The following ASIC2 variants were observed in gnomAD, a reference collection of about 807,000 sequenced individuals.
The protein encoded by ASIC2 is acid-sensing ion channel 2.
A neutral mutation model predicts 57.3 loss-of-function variants in ASIC2; 25 were observed. That is an observed-to-expected ratio of 0.44 (90% CI 0.32 to 0.61). ASIC2 has a LOEUF of 0.61. ASIC2 is among the 20% of genes least tolerant of loss of function. The probability of loss-of-function intolerance (pLI) is 0.06; values close to 1 mark genes in which losing one functional copy is unlikely to be tolerated. For missense variants in ASIC2, 641 were observed against 738.1 expected (o/e 0.87, Z 1.52); for synonymous variants, 319 against 307.5 (o/e 1.04, Z -0.39).
intron 1 of ASIC2, among the ~76,000 whole-genome samples, chr17:34,104,922 G>T (rs1367357068): frequency 2.6e-5 from 4 of 151,824 alleles, no homozygotes; most frequent in Non-Finnish European, 5.9e-5. Flanking sequence ...TCTTTGTCAT[G>T]GTTTGATATC....
chr17:33,990,438 GA>G (rs2142009406), intron 1 of ASIC2, among the ~76,000 whole-genome samples: 1 of 152,336 alleles, frequency 6.6e-6, no homozygotes, highest in East Asian at 1.9e-4. Context: ...TGTACATTTG[GA>G]AAGCAAAGGA....
intron 1 of ASIC2, among the ~76,000 whole-genome samples, chr17:33,638,920 C>A (rs961721847): frequency 1.9e-4 from 29 of 152,154 alleles, no homozygotes; most frequent in African/African-American, 6.5e-4. Flanking sequence ...GGCCTATTTC[C>A]TGGAGTTCTC....
chr17:33,982,400 A>G lies in ASIC2; in HGVS notation c.555+173578T>C, dbSNP rs561988028. On this transcript the variant is annotated intron_variant, in intron 1 of 9. Coordinates refer to the ASIC2 transcript ENST00000359872. ...CTTAATGGGCCTGGGGTCACCTTGT[A>G]ACTTATGCTGGTGGGCCTGGCCAGA... Among the ~76,000 whole-genome samples, 6 of 152,234 alleles carry G rather than the reference A, an allele frequency of 3.9e-5. No individual in the cohort carries two copies. In the East Asian group the frequency reaches 1.2e-3, roughly 29 times the overall value.
intron 1 of ASIC2, among the ~76,000 whole-genome samples, chr17:34,153,190 T>C (rs918888437): frequency 4.6e-5 from 7 of 152,224 alleles, no homozygotes; most frequent in African/African-American, 1.7e-4. Flanking sequence ...GCACTGGAGA[T>C]GCCACTAGAT....
intron 1 of ASIC2, among the ~76,000 whole-genome samples, chr17:33,906,043 C>G (rs908063995): frequency 8.7e-6 from 1 of 114,682 alleles, no homozygotes; most frequent in African/African-American, 3.3e-5. Flanking sequence ...GAGACAAGTT[C>G]TCATTACATT....
intron 1 of ASIC2, among the ~76,000 whole-genome samples, chr17:33,891,140 C>G (rs1914951376): frequency 6.6e-6 from 1 of 152,122 alleles, no homozygotes; most frequent in South Asian, 2.1e-4. Context: ...CAGGTGCCCA[C>G]TCCACCCTGT....
intron 2 of ASIC2, among the ~76,000 whole-genome samples, chr17:33,107,779 C>G (rs897065817): frequency 1.3e-5 from 2 of 152,206 alleles, no homozygotes; most frequent in Non-Finnish European, 2.9e-5. Context: ...ACCACCTCCC[C>G]AAAAGGTCCT....
At chr17:34,005,336 C>T (rs139256525) in intron 1 of ASIC2, 28 of 152,186 alleles carry the variant, frequency 1.8e-4, no homozygotes, top group African/African-American at 4.1e-4. Flanking sequence ...ATTGGTTTCT[C>T]GATACGTTTC....
At chr17:33,340,430 GCT>G (rs1907678600) in intron 1 of ASIC2, among the ~76,000 whole-genome samples, 1 of 152,150 alleles carries the variant, frequency 6.6e-6, no homozygotes, top group Non-Finnish European at 1.5e-5. Flanking sequence ...GTTGGATACT[GCT>G]CTCTTTTTTT....
intron 1 of ASIC2, among the ~76,000 whole-genome samples, chr17:33,912,619 C>G (rs1915492293): frequency 6.6e-6 from 1 of 152,188 alleles, no homozygotes; most frequent in South Asian, 2.1e-4. Flanking sequence ...TGTGAAACCT[C>G]TGACTTAAGG....
intron 1 of ASIC2, among the ~76,000 whole-genome samples, chr17:33,214,780 G>A (rs2041876235): frequency 6.6e-6 from 1 of 152,188 alleles, no homozygotes; most frequent in South Asian, 2.1e-4. Flanking sequence ...CAAGAAGAAG[G>A]AAACTAAAAT....
At chr17:33,042,810 T>C (rs2091934734) in intron 3 of ASIC2, among the ~76,000 whole-genome samples, 1 of 152,230 alleles carries the variant, frequency 6.6e-6, no homozygotes, top group Non-Finnish European at 1.5e-5. Flanking sequence ...CTGGAGGCCA[T>C]TGCAGAGATT....
intron 1 of ASIC2, among the ~76,000 whole-genome samples, chr17:33,120,006 A>C (rs990676325): frequency 1.3e-5 from 2 of 152,166 alleles, no homozygotes; most frequent in Non-Finnish European, 2.9e-5. Context: ...AAGCTCTTGG[A>C]AGTAGATGTT....
intron 1 of ASIC2, among the ~76,000 whole-genome samples, chr17:33,521,251 C>A (rs1198031932): frequency 2.6e-5 from 4 of 152,136 alleles, no homozygotes; most frequent in Non-Finnish European, 5.9e-5. Context: ...TGTCGTCGGC[C>A]AAGGGGTATC....
chr17:33,373,766 C>T (rs940873736), intron 1 of ASIC2, among the ~76,000 whole-genome samples: 11 of 152,160 alleles, frequency 7.2e-5, no homozygotes, highest in African/African-American at 2.4e-4. Flanking sequence ...CAATCTCCGC[C>T]TCCTGGGTTC....
At chr17:34,024,342 A>C (rs139475576) in intron 1 of ASIC2, among the ~76,000 whole-genome samples, 1 of 152,226 alleles carries the variant, frequency 6.6e-6, no homozygotes, top group Non-Finnish European at 1.5e-5. Flanking sequence ...AGATCCCCCA[A>C]CACATGCACA....
chr17:33,243,039 CAT>C (rs139062111), intron 1 of ASIC2, among the ~76,000 whole-genome samples: 14,447 of 152,214 alleles, frequency 0.095, 858 homozygotes, highest in Middle Eastern at 0.21. Flanking sequence ...TGAAAACCCA[CAT>C]GTGTGTGCAC....
chr17:33,679,065 T>C (rs1377392767), intron 1 of ASIC2, among the ~76,000 whole-genome samples: 1 of 152,194 alleles, frequency 6.6e-6, no homozygotes. Context: ...AATGTAAGTT[T>C]GGGATCAGAC....
intron 1 of ASIC2, among the ~76,000 whole-genome samples, chr17:33,852,990 C>T (rs1296498467): frequency 6.6e-6 from 1 of 152,092 alleles, no homozygotes; most frequent in Middle Eastern, 3.2e-3. Flanking sequence ...AAGCCTTTCC[C>T]CCCCGTCATA....
Sources: gnomAD v4.1 joint callset for allele counts (sites outside exome capture counted in the v4.1 genomes callset) on GRCh38, gnomAD v4.1.1 for gene constraint, MANE v1.5 for transcripts, NCBI Gene and HGNC (gene_info 2026-07-23, HGNC 2026-07-21) for gene names.